The following TREML2 variants were observed in gnomAD, a reference collection of about 807,000 sequenced individuals.
TREML2 encodes the protein trem-like transcript 2 protein.
TREML2 carries 24 observed loss-of-function variants against 25.9 expected under a neutral mutation model. The ratio of observed to expected loss-of-function variants is 0.93; its 90% confidence interval spans 0.67 to 1.30. The LOEUF (loss-of-function observed/expected upper bound fraction) is 1.30, where lower values mean the gene tolerates loss of function less well. TREML2 is among the 50% of genes most tolerant of loss of function. TREML2 has a pLI of 0.00. For synonymous variants in TREML2, 139 were observed against 155.2 expected (o/e 0.90, Z 0.77); for missense variants, 359 against 395.6 (o/e 0.91, Z 0.78).
Position 41,192,115 on chromosome 6 carries a change from A to G in TREML2, c.*312T>C. 5.3e-6 allele frequency: 2 copies of G among 379,034 alleles called. No individual in the cohort carries two copies. The highest frequency in any genetic ancestry group is 3.4e-5 in the South Asian group (1 of 29,362). 23.5% of individuals were successfully genotyped at this position (379,034 alleles called of 1,614,324 possible). A position where few individuals can be genotyped will look rare whatever the true frequency, so the allele number is the denominator to read the frequency against. Reference sequence around the variant, plus strand: ...GAGGTTCTCTGTAAACAGCACTCTCAGGGTTCCCCTGCCTCCACCAAGAGC... The same window carrying G: ...GAGGTTCTCTGTAAACAGCACTCTCGGGGTTCCCCTGCCTCCACCAAGAGC... On this transcript the variant is annotated 3_prime_UTR_variant, in exon 5 of 5. Transcript: ENST00000483722.
chr6:41,192,254 G>A lies in TREML2; in HGVS notation c.*173C>T, dbSNP rs1286518204. ...GGTTCCTGCCCCCAAGGAGAACACT[G>A]GGCTGTGGGGCTGCTTAGGATGGCA... On this transcript the variant is annotated 3_prime_UTR_variant, in exon 5 of 5. Coordinates refer to ENST00000483722, the MANE Select transcript of TREML2 (RefSeq NM_024807.4). 9.6e-6 allele frequency: 6 copies of A among 622,240 alleles called. No homozygotes were observed. The highest frequency in any genetic ancestry group is 1.8e-5 in the African/African-American group (1 of 54,780). The allele number at this position is 622,240 out of a possible 1,614,324, so 38.5% of individuals were successfully genotyped here.
chr6:41,200,851 C>A, intron 1 of TREML2, 103 bp downstream of exon 1: 1 of 1,083,718 alleles, frequency 9.2e-7, no homozygotes, highest in African/African-American at 1.6e-5. Context: ...ACCCACAAAA[C>A]ACTAAACAAG....
rs550260190 is a variant in TREML2, at chr6:41,197,606, T to C, written c.376+503A>G. On this transcript the variant is annotated intron_variant, in intron 2 of 4. Transcript: ENST00000483722. ...CCCCCACCACCGAGTCGCTTACTAG[T>C]TCATGAACACCTCTAGTTATTTGCA... Among the ~76,000 whole-genome samples the C allele has an allele frequency of 3.3e-5, 5 of 152,310 alleles. No individual in the cohort carries two copies. The East Asian group carries it at 9.6e-4, about 29-fold the overall frequency.
At chr6:41,196,608 C>T (rs1766170119) in intron 2 of TREML2, among the ~76,000 whole-genome samples, 1 of 152,168 alleles carries the variant, frequency 6.6e-6, no homozygotes, top group Non-Finnish European at 1.5e-5. Context: ...ATTATGCTTA[C>T]AAAGTTATGC....
rs1766121738 is a variant in TREML2 at position 41,194,467 on chromosome 6, CTGGTGAGGCAGA to C, written c.731_742del (p.Leu244_Ser248delinsArg). Reference sequence around the variant, plus strand: ...GGGTAGTCTGTTGAGGAGAGATCTGCTGGTGAGGCAGAGCCCTGTGGTGGGCGATCTGGTGCT... The same window carrying C: ...GGGTAGTCTGTTGAGGAGAGATCTGCGCCCTGTGGTGGGCGATCTGGTGCT... On this transcript the variant is annotated inframe_deletion, in exon 3 of 5. Transcript: ENST00000483722. The C allele has an allele frequency of 1.2e-6, 2 of 1,604,094 alleles. No individual in the cohort carries two copies. Among genetic ancestry groups the C allele is most frequent in the Admixed American group, 3.4e-5 (2 of 58,372 alleles).
chr6:41,194,103 C>T (rs1766113973), intron 3 of TREML2, among the ~76,000 whole-genome samples: 1 of 146,902 alleles, frequency 6.8e-6, no homozygotes, highest in Non-Finnish European at 1.5e-5. Flanking sequence ...TTCCTCCTCC[C>T]TGATCCTCCT....
intron 4 of TREML2, 85 bp from the exon 5 acceptor site, chr6:41,192,591 G>A: frequency 1.4e-6 from 2 of 1,403,360 alleles, no homozygotes; most frequent in Non-Finnish European, 2.0e-6. Flanking sequence ...GCCCCTTTCT[G>A]GCTCTGCCTC....
chr6:41,193,789 G>A (rs1766108295), intron 3 of TREML2, among the ~76,000 whole-genome samples: 2 of 108,924 alleles, frequency 1.8e-5, no homozygotes, highest in African/African-American at 7.4e-5. Flanking sequence ...ATCCCCCCTG[G>A]CCCTAATTCT....
rs969019871 is a variant in TREML2 at position 41,198,527 on chromosome 6, T to G, written c.56-98A>C. On this transcript the variant is annotated intron_variant, in intron 1 of 4. Transcript: ENST00000483722. ...ATGGTGAAGGGTAGAGTGGATATTGTCCTGCTGTCACAGAACCCACAGATT... is the reference window on the plus strand; with the variant it reads ...ATGGTGAAGGGTAGAGTGGATATTGGCCTGCTGTCACAGAACCCACAGATT... The G allele has an allele frequency of 2.3e-6, 3 of 1,292,778 alleles. No individual in the cohort carries two copies. In the African/African-American group the frequency reaches 4.4e-5, roughly 19 times the overall value. 80.1% of individuals were successfully genotyped at this position (1,292,778 alleles called of 1,614,324 possible). A position where few individuals can be genotyped will look rare whatever the true frequency, so the allele number is the denominator to read the frequency against.
Position 41,195,189 on chromosome 6 carries a change from A to G in TREML2, c.377-356T>C, listed in dbSNP as rs903726759. On this transcript the variant is annotated intron_variant, in intron 2 of 4. Transcript: ENST00000483722. ...GATTTCCATAAAATAATGTCAAACAAGAACTTTTCCAGCTATTCCATAATT... is the reference window on the plus strand; with the variant it reads ...GATTTCCATAAAATAATGTCAAACAGGAACTTTTCCAGCTATTCCATAATT... Among the ~76,000 whole-genome samples the G allele has an allele frequency of 1.6e-4, 24 of 152,184 alleles. 1 individual carries two copies. Among genetic ancestry groups the G allele is most frequent in the African/African-American group, 4.1e-4 (17 of 41,434 alleles).
intron 1 of TREML2, among the ~76,000 whole-genome samples, chr6:41,199,323 C>G (rs764991279): frequency 6.6e-6 from 1 of 152,236 alleles, no homozygotes; most frequent in African/African-American, 2.4e-5. Context: ...ATTTATTTCA[C>G]AAATAGGTTC....
In TREML2 at chr6:41,198,364, A is replaced by T; in HGVS notation, c.121T>A (p.Cys41Ser). 3.7e-6 allele frequency: 6 copies of T among 1,614,224 alleles called. No homozygotes were observed. Among genetic ancestry groups the T allele is most frequent in the Non-Finnish European group, 5.1e-6 (6 of 1,180,038 alleles). Residue 41 changes from cysteine to serine, a missense_variant, in exon 2 of 5, where the codon TGC becomes AGC. Transcript: ENST00000483722. ...LLEGETLSVQ[C>S]SYKGYKNRVE... ...CGGTTTTTGTAGCCCTTATAGGAGC[A>T]CTGCACAGACAGAGTCTCCCCTTCA...
At chr6:41,193,582 C>G (rs1354948204) in intron 3 of TREML2, among the ~76,000 whole-genome samples, 4 of 152,042 alleles carry the variant, frequency 2.6e-5, no homozygotes, top group Non-Finnish European at 5.9e-5. Context: ...CCCACTCCCC[C>G]ACCTTTTTTC....
chr6:41,198,372 G>A lies in TREML2; in HGVS notation c.113C>T (p.Ser38Phe), dbSNP rs1318262728. 2.5e-6 allele frequency: 4 copies of A among 1,614,200 alleles called. No individual in the cohort carries two copies. The highest frequency in any genetic ancestry group is 3.4e-6 in the Non-Finnish European group (4 of 1,180,020). ...GTAGCCCTTATAGGAGCACTGCACA[G>A]ACAGAGTCTCCCCTTCAAGGAGCCT... ...KVRLLEGETLSVQCSYKGYKN... is the reference protein window; with the variant it reads ...KVRLLEGETLFVQCSYKGYKN... The change falls in exon 2 of 5, where the codon TCT becomes TTT. Residue 38 changes from serine to phenylalanine, a missense_variant. Ser to Phe is a radical substitution (Grantham distance 155). Coordinates refer to ENST00000483722, the MANE Select transcript of TREML2 (RefSeq NM_024807.4).
intron 1 of TREML2, among the ~76,000 whole-genome samples, chr6:41,199,145 A>G (rs1703437704): frequency 6.6e-6 from 1 of 152,204 alleles, no homozygotes. Flanking sequence ...TGCAGGCGTG[A>G]GCCACTGTGC....
chr6:41,199,741 G>T (rs866067888), intron 1 of TREML2, among the ~76,000 whole-genome samples: 1 of 152,208 alleles, frequency 6.6e-6, no homozygotes, highest in Non-Finnish European at 1.5e-5. Context: ...CTCCCCCATA[G>T]TAGAGAACAG....
Position 41,194,515 on chromosome 6 carries a change from G to T in TREML2, c.695C>A (p.Ser232Tyr), listed in dbSNP as rs762687733. Reference protein sequence around the residue: ...SAGPESISTKSGDLSTRSPTT... With the variant: ...SAGPESISTKYGDLSTRSPTT... ...GGGCGATCTGGTGCTGAGGTCCCCAGACTTAGTGGAGATGGATTCTGGGCC... is the reference window on the plus strand; with the variant it reads ...GGGCGATCTGGTGCTGAGGTCCCCATACTTAGTGGAGATGGATTCTGGGCC... The change falls in exon 3 of 5, where the codon TCT becomes TAT. Residue 232 changes from serine (S) to tyrosine (Y), a missense_variant. Physicochemically the swap from Ser to Tyr is moderately radical, Grantham distance 144 (BLOSUM62 -2). Coordinates refer to ENST00000483722, the MANE Select transcript of TREML2 (RefSeq NM_024807.4). The T allele has an allele frequency of 6.2e-7, 1 of 1,613,892 alleles. No individual in the cohort carries two copies. The highest frequency in any genetic ancestry group is 1.1e-5 in the South Asian group (1 of 91,026).
At chr6:41,195,504 G>A (rs1561889488) in intron 2 of TREML2, among the ~76,000 whole-genome samples, 2 of 152,190 alleles carry the variant, frequency 1.3e-5, no homozygotes, top group Admixed American at 6.5e-5. Context: ...GACAGAGGCT[G>A]CTACATCCCA....
intron 3 of TREML2, 138 bp from the exon 4 acceptor site, chr6:41,193,039 C>A: frequency 1.6e-6 from 1 of 635,930 alleles, no homozygotes. Context: ...CTTACAGACC[C>A]GGCCACAGAA....
Sources: allele counts gnomAD v4.1 joint callset (sites outside exome capture counted in the v4.1 genomes callset), GRCh38; gene constraint gnomAD v4.1.1; transcripts MANE v1.5; gene names NCBI Gene and HGNC (gene_info 2026-07-23, HGNC 2026-07-21).